Variants in AFF2 observed in about 807,000 individuals in gnomAD.
The protein encoded by AFF2 is AF4/FMR2 family member 2.
Under a neutral mutation model 76.9 loss-of-function variants are expected in AFF2, and 14 were observed. That is an observed-to-expected ratio of 0.18 (90% CI 0.12 to 0.28). The LOEUF (loss-of-function observed/expected upper bound fraction) is 0.28, where lower values mean the gene tolerates loss of function less well. Among genes scored for constraint, AFF2 ranks in the 10% least tolerant of loss-of-function variants. The probability of loss-of-function intolerance (pLI) is 1.00; values close to 1 mark genes in which losing one functional copy is unlikely to be tolerated. For synonymous variants in AFF2, 398 were observed against 366.7 expected, an observed-to-expected ratio of 1.09 and a Z score of -0.98; for missense variants, 868 against 1,001.1, an observed-to-expected ratio of 0.87 and a Z score of 1.79.
At chrX:148,968,277 A>G (rs1557289084) in intron 15 of AFF2, among the ~76,000 whole-genome samples, 2 of 111,889 alleles carry the variant, frequency 1.8e-5, no homozygotes, top group African/African-American at 6.5e-5. Flanking sequence ...TAGATCAGTC[A>G]TAAGCTCAAC....
At chrX:148,909,072 C>G (rs1557281749) in intron 9 of AFF2, among the ~76,000 whole-genome samples, 1 of 112,018 alleles carries the variant, frequency 8.9e-6, no homozygotes, top group East Asian at 2.8e-4. Context: ...ACTATCAATC[C>G]TTTCTCCTTT....
chrX:148,897,397 C>A, intron 8 of AFF2, among the ~76,000 whole-genome samples: 1 of 97,965 alleles, frequency 1.0e-5, no homozygotes, highest in Admixed American at 1.2e-4. Flanking sequence ...TATAGAATAC[C>A]AGACCTTAAA....
chrX:148,515,743 A>G (rs1338903309), intron 1 of AFF2, among the ~76,000 whole-genome samples: 1 of 111,692 alleles, frequency 9.0e-6, no homozygotes, highest in Non-Finnish European at 1.9e-5. Context: ...TGTGTAAAGA[A>G]GAAAGGAGAA....
chrX:148,894,991 G>A (rs2071266310), intron 8 of AFF2, among the ~76,000 whole-genome samples: 1 of 111,176 alleles, frequency 9.0e-6, no homozygotes, highest in East Asian at 2.8e-4. Flanking sequence ...AAGCAAGTAG[G>A]GCTTTAGTTC....
At chrX:148,760,798 G>A (rs1051739928) in intron 3 of AFF2, among the ~76,000 whole-genome samples, 1 of 112,194 alleles carries the variant, frequency 8.9e-6, no homozygotes, top group Non-Finnish European at 1.9e-5. Context: ...ATAATAAATA[G>A]TATACACAGC....
At chrX:148,875,467 T>C (rs781917045) in intron 7 of AFF2, among the ~76,000 whole-genome samples, 2 of 112,079 alleles carry the variant, frequency 1.8e-5, no homozygotes, top group South Asian at 7.5e-4. Flanking sequence ...GGAGTAATTA[T>C]CAGAACAAAT....
At chrX:148,628,572 C>CA (rs782227745) in intron 1 of AFF2, among the ~76,000 whole-genome samples, 2,905 of 66,355 alleles carry the variant, frequency 0.044, 85 homozygotes, top group African/African-American at 0.11. Context: ...GGTAGGTAAC[C>CA]AAAAAAAAAA....
At chrX:148,594,195 G>A (rs922842428) in intron 1 of AFF2, among the ~76,000 whole-genome samples, 4 of 110,162 alleles carry the variant, frequency 3.6e-5, no homozygotes, top group East Asian at 2.9e-4. Context: ...CTTGTGGCTC[G>A]GTTAGAATTA....
intron 8 of AFF2, among the ~76,000 whole-genome samples, chrX:148,893,147 T>TGA (rs1200277227): frequency 8.9e-6 from 1 of 112,255 alleles, no homozygotes; most frequent in South Asian, 3.7e-4. Context: ...AATTAGAGAA[T>TGA]GAGAGGACAT....
intron 1 of AFF2, among the ~76,000 whole-genome samples, chrX:148,514,421 T>C (rs2052514539): frequency 8.9e-6 from 1 of 112,676 alleles, no homozygotes; most frequent in Admixed American, 9.4e-5. Flanking sequence ...ATGAAATGTG[T>C]ATTTGTAAAT....
At chrX:148,976,810 C>T (rs935593035) in intron 16 of AFF2, among the ~76,000 whole-genome samples, 1 of 112,495 alleles carries the variant, frequency 8.9e-6, no homozygotes, top group African/African-American at 3.2e-5. Flanking sequence ...TCAAAGAAAG[C>T]TAGATTTATT....
intron 4 of AFF2, among the ~76,000 whole-genome samples, chrX:148,826,744 G>A (rs181287619): frequency 5.2e-4 from 55 of 105,192 alleles, no homozygotes; most frequent in Non-Finnish European, 9.1e-4. Context: ...TTTATTTTCC[G>A]TTATTTGGGG....
intron 1 of AFF2, among the ~76,000 whole-genome samples, chrX:148,607,299 A>G (rs1201335962): frequency 9.0e-6 from 1 of 111,458 alleles, no homozygotes; most frequent in African/African-American, 3.3e-5. Context: ...CCCAAATCTC[A>G]TCTTGAATAG....
At chrX:148,872,028 A>G (rs1274735340) in intron 7 of AFF2, among the ~76,000 whole-genome samples, 4 of 111,240 alleles carry the variant, frequency 3.6e-5, no homozygotes, top group African/African-American at 1.3e-4. Context: ...GTGGTTAGGG[A>G]CATGGGCTTT....
intron 3 of AFF2, among the ~76,000 whole-genome samples, chrX:148,747,342 AAT>A (rs1557266149): frequency 8.9e-6 from 1 of 111,813 alleles, no homozygotes; most frequent in African/African-American, 3.3e-5. Flanking sequence ...GAGCTTGACA[AAT>A]AATTTTTGAA....
intron 1 of AFF2, among the ~76,000 whole-genome samples, chrX:148,588,706 G>A (rs1226553564): frequency 8.9e-6 from 1 of 111,949 alleles, no homozygotes; most frequent in Non-Finnish European, 1.9e-5. Context: ...GTGTAGTCAT[G>A]TTTGTATGGT....
At chrX:148,661,497 A>T (rs1557257694) in intron 2 of AFF2, among the ~76,000 whole-genome samples, 1 of 112,248 alleles carries the variant, frequency 8.9e-6, no homozygotes, top group African/African-American at 3.2e-5. Flanking sequence ...ATATGTCAAA[A>T]ATTTATATAG....
chrX:148,616,981 C>T (rs2053814254), intron 1 of AFF2, among the ~76,000 whole-genome samples: 1 of 111,655 alleles, frequency 9.0e-6, no homozygotes, highest in African/African-American at 3.3e-5. Flanking sequence ...CGTTGTTGGA[C>T]ATTTAGGTTA....
chrX:148,926,770 C>T (rs1388887790), intron 9 of AFF2, among the ~76,000 whole-genome samples: 1 of 112,033 alleles, frequency 8.9e-6, no homozygotes, highest in Non-Finnish European at 1.9e-5. Flanking sequence ...ACCTTGCACA[C>T]CACTTCAATC....
Sources: gnomAD v4.1 joint callset for allele counts (sites outside exome capture counted in the v4.1 genomes callset) on GRCh38, gnomAD v4.1.1 for gene constraint, MANE v1.5 for transcripts, NCBI Gene and HGNC (gene_info 2026-07-23, HGNC 2026-07-21) for gene names.